The following LINGO2 variants were observed in gnomAD, a reference collection of about 807,000 sequenced individuals.
LINGO2 encodes the protein leucine-rich repeat and immunoglobulin-like domain-containing nogo receptor-interacting protein 2.
Under a neutral mutation model 30.6 loss-of-function variants are expected in LINGO2, and 14 were observed. The observed-to-expected ratio is 0.46, with a 90% CI of 0.30 to 0.72. The LOEUF (loss-of-function observed/expected upper bound fraction) is 0.72. Among genes scored for constraint, LINGO2 ranks in the 30% least tolerant of loss-of-function variants. The pLI is 0.07. For synonymous variants in LINGO2, 317 were observed against 288.5 expected, an observed-to-expected ratio of 1.10 and a Z score of -1.00; for missense variants, 729 against 751.7, an observed-to-expected ratio of 0.97 and a Z score of 0.35.
intron 4 of LINGO2, among the ~76,000 whole-genome samples, chr9:28,020,255 G>A (rs933264874): frequency 2.0e-5 from 3 of 152,140 alleles, no homozygotes; most frequent in African/African-American, 7.2e-5. Context: ...GGGTCATGCT[G>A]GGCTTATACA....
In LINGO2 at chr9:28,069,492, C is replaced by T. The variant is rs139344459; in HGVS notation, c.-86-57087G>A. On this transcript the variant is annotated intron_variant, in intron 4 of 5. Coordinates refer to ENST00000379992, the Ensembl canonical transcript of LINGO2. The stretch of plus-strand genomic sequence containing the variant: ...TATTTTTGTGGTAGAGAAACTATTT[C>T]AACTAATCCTTCTGTTTTCTGATAA... 4.4e-3 allele frequency among the ~76,000 whole-genome samples: 671 copies of T among 152,238 alleles called. 6 individuals carry two copies. Among genetic ancestry groups the T allele is most frequent in the African/African-American group, 0.015 (633 of 41,544 alleles).
At chr9:28,113,375 G>T (rs1419211824) in intron 4 of LINGO2, among the ~76,000 whole-genome samples, 1 of 93,348 alleles carries the variant, frequency 1.1e-5, no homozygotes, top group East Asian at 3.8e-4. Context: ...TTTGGCTTAG[G>T]ATTGACTTGG....
chr9:28,077,420 A>G, intron 4 of LINGO2, among the ~76,000 whole-genome samples: 1 of 152,208 alleles, frequency 6.6e-6, no homozygotes, highest in East Asian at 1.9e-4. Context: ...TACGGGTTGG[A>G]CAGCTTATGA....
At chr9:28,691,330 T>C in the LINGO2 span, among the ~76,000 whole-genome samples, 36 of 152,314 alleles carry the variant, frequency 2.4e-4, no homozygotes, top group Admixed American at 1.8e-3. Context: ...TTTATTTTCC[T>C]GCTCGCTCAC....
intron 2 of LINGO2, among the ~76,000 whole-genome samples, chr9:28,419,346 G>A (rs1823094235): frequency 6.6e-6 from 1 of 152,028 alleles, no homozygotes; most frequent in Non-Finnish European, 1.5e-5. Flanking sequence ...TATTTATTGA[G>A]CAGTAGTTCA....
intron 1 of LINGO2, among the ~76,000 whole-genome samples, chr9:28,658,414 A>T (rs1456415777): frequency 2.0e-5 from 3 of 151,970 alleles, no homozygotes; most frequent in Non-Finnish European, 4.4e-5. Context: ...ACTGTTTAGT[A>T]GCTCTGATGT....
chr9:28,350,935 T>C (rs545549024), intron 3 of LINGO2, among the ~76,000 whole-genome samples: 1,724 of 151,976 alleles, frequency 0.011, 45 homozygotes, highest in African/African-American at 0.039. Flanking sequence ...GAAATAAAGA[T>C]GTTCTTTGAA....
chr9:28,458,682 C>T (rs899906983), intron 2 of LINGO2, among the ~76,000 whole-genome samples: 1 of 152,074 alleles, frequency 6.6e-6, no homozygotes, highest in African/African-American at 2.4e-5. Flanking sequence ...CTCCTGGTAC[C>T]TGCCTAATGA....
chr9:28,582,016 A>G (rs150492232), intron 1 of LINGO2, among the ~76,000 whole-genome samples: 44 of 152,060 alleles, frequency 2.9e-4, no homozygotes, highest in African/African-American at 8.7e-4. Flanking sequence ...CAGACACTCT[A>G]TGTTTGTGAG....
intron 1 of LINGO2, among the ~76,000 whole-genome samples, chr9:28,615,410 C>T (rs915920535): frequency 6.6e-6 from 1 of 152,232 alleles, no homozygotes; most frequent in East Asian, 1.9e-4. Flanking sequence ...AAAAGGGCTG[C>T]AATATAAGCT....
chr9:28,210,148 A>G (rs1820540428), intron 4 of LINGO2, among the ~76,000 whole-genome samples: 1 of 151,654 alleles, frequency 6.6e-6, no homozygotes, highest in South Asian at 2.1e-4. Flanking sequence ...AGATATTTCA[A>G]TATTTTTCCA....
chr9:28,536,702 A>G (rs1023579971), intron 1 of LINGO2, among the ~76,000 whole-genome samples: 6 of 152,154 alleles, frequency 3.9e-5, no homozygotes, highest in African/African-American at 1.4e-4. Flanking sequence ...ATCAACAACG[A>G]GCAATCAACT....
At chr9:29,132,853 G>A in the LINGO2 span, among the ~76,000 whole-genome samples, 1 of 151,766 alleles carries the variant, frequency 6.6e-6, no homozygotes, top group Admixed American at 6.6e-5. Flanking sequence ...TGAATTTATT[G>A]TGGTAAATTA....
At chr9:29,019,063 T>C in the LINGO2 span, among the ~76,000 whole-genome samples, 1 of 152,130 alleles carries the variant, frequency 6.6e-6, no homozygotes, top group Admixed American at 6.6e-5. Context: ...AAAATATATA[T>C]GTGTATTGTG....
chr9:28,097,200 G>A (rs915144067), intron 4 of LINGO2, among the ~76,000 whole-genome samples: 1 of 152,138 alleles, frequency 6.6e-6, no homozygotes, highest in Non-Finnish European at 1.5e-5. Flanking sequence ...TGCTGGAGGG[G>A]ATGTGGAGAA....
intron 5 of LINGO2, among the ~76,000 whole-genome samples, chr9:27,977,801 A>G (rs1374212915): frequency 6.6e-6 from 1 of 151,730 alleles, no homozygotes; most frequent in Non-Finnish European, 1.5e-5. Flanking sequence ...AAAAAAAAAA[A>G]GGAAGAGAAA....
the LINGO2 span, among the ~76,000 whole-genome samples, chr9:28,831,039 A>T: frequency 6.6e-6 from 1 of 152,226 alleles, no homozygotes; most frequent in African/African-American, 2.4e-5. Context: ...CTTCTCCCTT[A>T]AGAAAAGGAA....
the LINGO2 span, among the ~76,000 whole-genome samples, chr9:29,084,431 G>T: frequency 6.6e-6 from 1 of 152,102 alleles, no homozygotes; most frequent in East Asian, 1.9e-4. Flanking sequence ...ATGAAAAACT[G>T]CACAGGTATT....
the LINGO2 span, among the ~76,000 whole-genome samples, chr9:29,088,285 A>T: frequency 2.0e-5 from 3 of 152,126 alleles, no homozygotes; most frequent in Admixed American, 6.6e-5. Context: ...TTATCTAAGG[A>T]TCTAGTGTCC....
Sources: gnomAD v4.1 joint callset for allele counts (sites outside exome capture counted in the v4.1 genomes callset) on GRCh38, gnomAD v4.1.1 for gene constraint, MANE v1.5 for transcripts, NCBI Gene and HGNC (gene_info 2026-07-23, HGNC 2026-07-21) for gene names.